Variants in SDK1 observed in about 807,000 individuals in gnomAD.
The protein encoded by SDK1 is protein sidekick-1.
In SDK1, 157 loss-of-function variants were observed where a neutral mutation model predicts 245.5. That is an observed-to-expected ratio of 0.64 (90% CI 0.56 to 0.73). SDK1 has a LOEUF of 0.73. SDK1 is among the 30% of genes least tolerant of loss of function. The pLI is 0.00. For missense variants in SDK1, 3,583 were observed against 3,002.3 expected (o/e 1.19, Z -4.52); for synonymous variants, 1,647 against 1,278.5 (o/e 1.29, Z -6.15).
chr7:3,511,000 A>G (rs1782559825), intron 1 of SDK1, among the ~76,000 whole-genome samples: 1 of 152,302 alleles, frequency 6.6e-6, no homozygotes, highest in South Asian at 2.1e-4. Flanking sequence ...GCTGTCTTGA[A>G]GAGTGTAGGG....
intron 32 of SDK1, among the ~76,000 whole-genome samples, chr7:4,162,771 C>T (rs2128213135): frequency 6.6e-6 from 1 of 152,310 alleles, no homozygotes; most frequent in South Asian, 2.1e-4. Context: ...ATCACACACT[C>T]CTTGTTGGGC....
intron 4 of SDK1, among the ~76,000 whole-genome samples, chr7:3,800,143 C>A (rs1348105733): frequency 6.6e-6 from 1 of 152,038 alleles, no homozygotes; most frequent in Non-Finnish European, 1.5e-5. Flanking sequence ...CATATCCTGG[C>A]ATACTGTATT....
intron 5 of SDK1, among the ~76,000 whole-genome samples, chr7:3,835,800 A>G (rs1221341053): frequency 6.6e-6 from 1 of 152,212 alleles, no homozygotes; most frequent in Non-Finnish European, 1.5e-5. Flanking sequence ...AAGACAAACA[A>G]GCAATTTCAA....
At chr7:3,625,538 G>C (rs1408111710) in intron 2 of SDK1, among the ~76,000 whole-genome samples, 1 of 152,224 alleles carries the variant, frequency 6.6e-6, no homozygotes, top group Non-Finnish European at 1.5e-5. Flanking sequence ...GGAAGCACCA[G>C]TGCAGGGATC....
chr7:4,012,291 T>G, intron 16 of SDK1, 56 bp downstream of exon 16: 1 of 1,425,466 alleles, frequency 7.0e-7, no homozygotes, highest in South Asian at 1.7e-5. Context: ...AGCGTCGATT[T>G]CACAGAGGGT....
At chr7:4,147,761 A>G (rs1248770325) in intron 29 of SDK1, among the ~76,000 whole-genome samples, 1 of 152,148 alleles carries the variant, frequency 6.6e-6, no homozygotes, top group Non-Finnish European at 1.5e-5. Flanking sequence ...GGGTATCAGC[A>G]CTCAGGGCTG....
chr7:4,071,284 C>T (rs533938619), intron 20 of SDK1, among the ~76,000 whole-genome samples: 1 of 152,290 alleles, frequency 6.6e-6, no homozygotes, highest in South Asian at 2.1e-4. Flanking sequence ...TTCGGCCTCC[C>T]AAAGTGCTGG....
At chr7:4,216,122 G>T (rs1419032576) in intron 38 of SDK1, among the ~76,000 whole-genome samples, 1 of 152,190 alleles carries the variant, frequency 6.6e-6, no homozygotes, top group Non-Finnish European at 1.5e-5. Flanking sequence ...GAGTGTCTTG[G>T]CCTCCTGAGG....
chr7:3,686,135 G>C (rs1784275094), intron 4 of SDK1, among the ~76,000 whole-genome samples: 1 of 152,130 alleles, frequency 6.6e-6, no homozygotes, highest in African/African-American at 2.4e-5. Context: ...GAGCACAGTG[G>C]CATGGTCTCG....
At chr7:4,261,708 C>T (rs191828011) in intron 44 of SDK1, among the ~76,000 whole-genome samples, 69 of 152,336 alleles carry the variant, frequency 4.5e-4, no homozygotes, top group Admixed American at 6.5e-4. Context: ...GATGGCATTT[C>T]AAGGCCGCTC....
intron 5 of SDK1, among the ~76,000 whole-genome samples, chr7:3,908,702 A>G (rs1308724566): frequency 6.6e-6 from 1 of 152,120 alleles, no homozygotes; most frequent in East Asian, 1.9e-4. Flanking sequence ...TTTTCATGTC[A>G]AAGGGGAAAT....
At chr7:3,410,578 CTTT>C (rs776277920) in intron 1 of SDK1, among the ~76,000 whole-genome samples, 6 of 82,060 alleles carry the variant, frequency 7.3e-5, no homozygotes, top group African/African-American at 1.1e-4. Context: ...GAAATGATAT[CTTT>C]TTTTTTTTTT....
rs143829277 is a variant in SDK1, at chr7:4,018,835, G to A, written c.2602+1483G>A. 4.4e-4 allele frequency among the ~76,000 whole-genome samples: 67 copies of A among 152,292 alleles called. No individual in the cohort carries two copies. The East Asian group carries it at 6.2e-3, about 14-fold the overall frequency. On this transcript the variant is annotated intron_variant, in intron 17 of 44. Coordinates refer to ENST00000404826, the MANE Select transcript of SDK1 (RefSeq NM_152744.4). The stretch of plus-strand genomic sequence containing the variant: ...GCTGCATTAGGGGCGGAATCTGTGC[G>A]TGGGTGTGCAGGGAATGTAGGAGGC...
At chr7:3,571,189 G>A (rs190845993) in intron 1 of SDK1, among the ~76,000 whole-genome samples, 7 of 151,994 alleles carry the variant, frequency 4.6e-5, no homozygotes, top group Admixed American at 2.6e-4. Context: ...GCTGAACTGC[G>A]TAAATTTTAA....
At chr7:3,720,045 T>G (rs1430566454) in intron 4 of SDK1, among the ~76,000 whole-genome samples, 2 of 151,846 alleles carry the variant, frequency 1.3e-5, no homozygotes, top group Non-Finnish European at 2.9e-5. Flanking sequence ...GAGAAGAGTT[T>G]TTAAATTTGA....
intron 40 of SDK1, among the ~76,000 whole-genome samples, chr7:4,230,828 A>C (rs661084): frequency 0.31 from 46,604 of 151,930 alleles, 7,500 homozygotes; most frequent in African/African-American, 0.39. Flanking sequence ...GGTGGGGTCA[A>C]GGTTGACCTC....
At chr7:3,553,293 T>A (rs1340880581) in intron 1 of SDK1, among the ~76,000 whole-genome samples, 37 of 152,154 alleles carry the variant, frequency 2.4e-4, no homozygotes, top group Admixed American at 2.4e-3. Context: ...AACTTAAGAT[T>A]TTGCTCTATG....
chr7:3,956,275 C>T (rs1481491096), intron 7 of SDK1, among the ~76,000 whole-genome samples: 5 of 152,152 alleles, frequency 3.3e-5, no homozygotes, highest in Admixed American at 6.5e-5. Context: ...TGGGTTTTCC[C>T]CAGTGTTTAA....
At chr7:3,689,559 T>C (rs899228261) in intron 4 of SDK1, among the ~76,000 whole-genome samples, 97 of 152,266 alleles carry the variant, frequency 6.4e-4, no homozygotes, top group African/African-American at 2.2e-3. Context: ...AAAAGGACTT[T>C]TAAAATTATT....
Sources: gnomAD v4.1 joint callset for allele counts (sites outside exome capture counted in the v4.1 genomes callset) on GRCh38, gnomAD v4.1.1 for gene constraint, MANE v1.5 for transcripts, NCBI Gene and HGNC (gene_info 2026-07-23, HGNC 2026-07-21) for gene names.